ITGAX: variants seen among roughly 807,000 people sequenced by gnomAD.
ITGAX encodes integrin subunit alpha X, also known as integrin alpha-X.
Under a neutral mutation model 140.2 loss-of-function variants are expected in ITGAX, and 99 were observed. The ratio of observed to expected loss-of-function variants is 0.71; its 90% CI spans 0.60 to 0.83. The LOEUF (loss-of-function observed/expected upper bound fraction) is 0.83, where lower values mean the gene tolerates loss of function less well. Ranked by LOEUF, ITGAX falls within the 40% of genes least tolerant of loss-of-function variation. ITGAX has a pLI of 0.00. For missense variants in ITGAX, 1,444 were observed against 1,482.0 expected, an observed-to-expected ratio of 0.97 and a Z score of 0.42; for synonymous variants, 631 against 600.4, an observed-to-expected ratio of 1.05 and a Z score of -0.75.
intron 19 of ITGAX, 76 bp from the exon 20 acceptor site, chr16:31,373,173 C>T (rs1204765534): frequency 2.9e-6 from 3 of 1,017,278 alleles, no homozygotes; most frequent in Admixed American, 2.2e-5. Flanking sequence ...AAATCCCCAC[C>T]CACCCCATTT....
Position 31,377,278 on chromosome 16 carries a change from C to A in ITGAX, c.2789+13C>A. 1 of 1,598,096 alleles carries A rather than the reference C, an allele frequency of 6.3e-7. No individual in the cohort carries two copies. The highest frequency in any genetic ancestry group is 8.5e-7 in the Non-Finnish European group (1 of 1,172,542). On this transcript the variant is annotated intron_variant, in intron 23 of 29. Coordinates refer to ENST00000268296, the MANE Select transcript of ITGAX (RefSeq NM_000887.5). The stretch of plus-strand genomic sequence containing the variant: ...CTGTGGTTAGCAGGTCAGCAGGTAC[C>A]CCACTGCAGGAAAAAGGGTTCTTCT...
In ITGAX at chr16:31,361,060, C is replaced by A; in HGVS notation, c.862-3C>A. 1 of 1,611,924 alleles carries A rather than the reference C, an allele frequency of 6.2e-7. No individual in the cohort carries two copies. Among genetic ancestry groups the A allele is most frequent in the Non-Finnish European group, 8.5e-7 (1 of 1,179,470 alleles). ...TTACTGAGTTGATCTTTTCTGGGGA[C>A]AGGTTGGATTAGCTTTTCAAAACAG... On this transcript the variant is annotated splice_region_variant and splice_polypyrimidine_tract_variant and intron_variant, in intron 8 of 29. Coordinates refer to ENST00000268296, the MANE Select transcript of ITGAX (RefSeq NM_000887.5).
chr16:31,365,751 C>T (rs376073175), intron 14 of ITGAX, among the ~76,000 whole-genome samples: 12 of 152,138 alleles, frequency 7.9e-5, no homozygotes, highest in African/African-American at 2.7e-4. Flanking sequence ...GGGGAAACCC[C>T]GTCTCTACCC....
intron 14 of ITGAX, 52 bp downstream of exon 14, chr16:31,363,426 C>G (rs1303184555): frequency 6.3e-7 from 1 of 1,586,156 alleles, no homozygotes; most frequent in Non-Finnish European, 8.7e-7. Flanking sequence ...CTTGCCTCTC[C>G]CACTCTGTCA....
chr16:31,369,159 G>T (rs1399370404), intron 14 of ITGAX, among the ~76,000 whole-genome samples: 1 of 151,628 alleles, frequency 6.6e-6, no homozygotes, highest in African/African-American at 2.4e-5. Flanking sequence ...GGGCAGAGGG[G>T]CTCCTCACTT....
rs61761296 is a variant in ITGAX at position 31,371,134 on chromosome 16, A to G, written c.1761A>G (p.Ala587=). 3,644 of 1,614,032 alleles carry G rather than the reference A, an allele frequency of 2.3e-3. 22 individuals are homozygous for G. The Middle Eastern group carries it at 0.025, about 11-fold the overall frequency. ...CCAGGCTGCAGTATTTTGGGCAGGC[A>G]CTGAGCGGGGGTCAAGACCTCACCC... ...LSSRLQYFGQ[A]LSGGQDLTQD... Residue 587 remains alanine, a synonymous_variant, in exon 15 of 30, where the codon GCA becomes GCG. Transcript: ENST00000268296.
rs755553205 is a variant in ITGAX at position 31,381,019 on chromosome 16, A to T, written c.3387+12A>T. On this transcript the variant is annotated intron_variant, in intron 29 of 29. Coordinates refer to ENST00000268296, the MANE Select transcript of ITGAX (RefSeq NM_000887.5). ...CGGTACTGTACAAAGTGAGTGTTTT[A>T]TGCCACTCTTGACACCACCAGCATC... 6.2e-7 allele frequency: 1 copy of T among 1,601,824 alleles called. No homozygotes were observed. The highest frequency in any genetic ancestry group is 1.1e-5 in the South Asian group (1 of 90,828).
chr16:31,360,054 C>G lies in ITGAX; in HGVS notation c.696C>G (p.Ile232Met). ...GGTTTACATACACGGCCACCGCCATCCAAAATGTCGTGTGAGTCCTGATTT... is the reference window on the plus strand; with the variant it reads ...GGTTTACATACACGGCCACCGCCATGCAAAATGTCGTGTGAGTCCTGATTT... ...LQGFTYTATA[I>M]QNVVHRLFHA... Residue 232 changes from isoleucine to methionine, a missense_variant, in exon 7 of 30, where the codon ATC becomes ATG. Ile to Met is a conservative substitution (Grantham distance 10). Coordinates refer to ENST00000268296, the MANE Select transcript of ITGAX (RefSeq NM_000887.5). 6.2e-7 allele frequency: 1 copy of G among 1,610,794 alleles called. No homozygotes were observed. Among genetic ancestry groups the G allele is most frequent in the African/African-American group, 1.3e-5 (1 of 75,056 alleles).
chr16:31,359,299 G>C (rs1008201145), intron 5 of ITGAX, among the ~76,000 whole-genome samples: 1 of 152,128 alleles, frequency 6.6e-6, no homozygotes, highest in Non-Finnish European at 1.5e-5. Flanking sequence ...CCAAGTAGTT[G>C]GGACCACAGG....
At chr16:31,361,450 C>T in intron 9 of ITGAX, 1 of 674,858 alleles carries the variant, frequency 1.5e-6, no homozygotes, top group South Asian at 1.8e-5. Context: ...CACACCACCA[C>T]CGGCTCCACT....
At chr16:31,369,484 T>A (rs2080933504) in intron 14 of ITGAX, among the ~76,000 whole-genome samples, 1 of 152,208 alleles carries the variant, frequency 6.6e-6, no homozygotes, top group Non-Finnish European at 1.5e-5. Context: ...GAAGAGTCCA[T>A]CCAGGCAGCA....
intron 7 of ITGAX, 62 bp downstream of exon 7, chr16:31,360,127 C>T: frequency 6.3e-7 from 1 of 1,592,754 alleles, no homozygotes; most frequent in South Asian, 1.1e-5. Context: ...TGGGCCTCAT[C>T]TGTCTCCACG....
At chr16:31,374,193 G>A (rs377621658) in intron 20 of ITGAX, among the ~76,000 whole-genome samples, 6 of 152,122 alleles carry the variant, frequency 3.9e-5, no homozygotes, top group South Asian at 2.1e-4. Flanking sequence ...GGAGGCCGAG[G>A]TGAGAGAACT....
Position 31,371,640 on chromosome 16 carries a change from A to G in ITGAX, c.2016A>G (p.Gln672=), listed in dbSNP as rs148567963. 4 of 1,614,044 alleles carry G rather than the reference A, an allele frequency of 2.5e-6. No individual in the cohort carries two copies. The highest frequency in any genetic ancestry group is 3.4e-6 in the Non-Finnish European group (4 of 1,180,002). ...TGCGACCGCCTACAGGTGACCTCCA[A>G]AGCTCTGTGACCTTGGACCTGGCCC... ...SKNLLGSRDL[Q]SSVTLDLALD... is the part of the protein sequence containing the mutation. Residue 672 remains glutamine, a synonymous_variant, in exon 17 of 30, where the codon CAA becomes CAG. Transcript: ENST00000268296.
intron 18 of ITGAX, 24 bp downstream of exon 18, chr16:31,372,533 C>A (rs2080979085): frequency 6.2e-7 from 1 of 1,613,068 alleles, no homozygotes; most frequent in Admixed American, 1.7e-5. Flanking sequence ...CTGGGTCTCC[C>A]AGAGAGGGTG....
intron 14 of ITGAX, among the ~76,000 whole-genome samples, chr16:31,369,297 C>T (rs934273092): frequency 1.4e-5 from 2 of 145,070 alleles, no homozygotes; most frequent in African/African-American, 5.2e-5. Context: ...TGACCCCCCC[C>T]CCCACCTCCC....
intron 17 of ITGAX, 89 bp downstream of exon 17, chr16:31,371,873 T>A (rs995490563): frequency 6.7e-7 from 1 of 1,484,132 alleles, no homozygotes; most frequent in Admixed American, 1.9e-5. Flanking sequence ...CCGGCCTCCC[T>A]GTGGCTCAGC....
rs1345318371 is a variant in ITGAX at position 31,356,631 on chromosome 16, G to T, written c.150G>T (p.Val50=). The part of the protein sequence containing the change: ...SVVQYANSWV[V]VGAPQKITAA... The stretch of plus-strand genomic sequence containing the variant: ...GTTCTTTGTCTCCTCGCAGGGTGGT[G>T]GTTGGAGCCCCCCAAAAGATAACAG... The change falls in exon 3 of 30, where the codon GTG becomes GTT. Residue 50 remains valine, a synonymous_variant. Transcript: ENST00000268296. 6 of 1,595,464 alleles carry T rather than the reference G, an allele frequency of 3.8e-6. No homozygotes were observed. The highest frequency in any genetic ancestry group is 1.7e-4 in the Middle Eastern group (1 of 6,036).
intron 5 of ITGAX, 54 bp from the exon 6 acceptor site, chr16:31,359,646 G>C: frequency 6.3e-7 from 1 of 1,591,158 alleles, no homozygotes; most frequent in Non-Finnish European, 8.6e-7. Context: ...AGGAGGCCAC[G>C]GTCCTGGACT....
Sources: allele counts gnomAD v4.1 joint callset (sites outside exome capture counted in the v4.1 genomes callset), GRCh38; gene constraint gnomAD v4.1.1; transcripts MANE v1.5; gene names NCBI Gene and HGNC (gene_info 2026-07-23, HGNC 2026-07-21).